Variants in WRNIP1 observed in about 807,000 individuals in gnomAD.
The protein encoded by WRNIP1 is ATPase WRNIP1.
A neutral mutation model predicts 56.1 loss-of-function variants in WRNIP1; 41 were observed. That is an observed-to-expected ratio of 0.73 (90% CI 0.57 to 0.95). The LOEUF is 0.95. WRNIP1 is among the 40% of genes least tolerant of loss of function. The probability of loss-of-function intolerance (pLI) is 0.00; values close to 1 mark genes in which losing one functional copy is unlikely to be tolerated. For synonymous variants in WRNIP1, 547 were observed against 398.1 expected (o/e 1.37, Z -4.45); for missense variants, 1,170 against 939.4 (o/e 1.25, Z -3.21).
Position 2,784,395 on chromosome 6 carries a change from G to C in WRNIP1, c.1714G>C (p.Glu572Gln). ...AGGCTGTCATTTTATAGGCATGCCTGAATGTGAGGTAAAGTAATCAGCTCA... is the reference window on the plus strand; with the variant it reads ...AGGCTGTCATTTTATAGGCATGCCTCAATGTGAGGTAAAGTAATCAGCTCA... ...YQGCHFIGMP[E>Q]CEVLLAQCVV... The change falls in exon 6 of 7, where the codon GAA becomes CAA. Residue 572 changes from glutamate to glutamine, a missense_variant. Coordinates refer to ENST00000380773, the MANE Select transcript of WRNIP1 (RefSeq NM_020135.3). The C allele has an allele frequency of 6.2e-7, 1 of 1,614,030 alleles. No individual in the cohort carries two copies. Among genetic ancestry groups the C allele is most frequent in the Non-Finnish European group, 8.5e-7 (1 of 1,179,906 alleles).
intron 6 of WRNIP1, 80 bp downstream of exon 6, chr6:2,784,483 C>T: frequency 7.1e-7 from 1 of 1,414,484 alleles, no homozygotes; most frequent in South Asian, 1.2e-5. Flanking sequence ...GAATAAATGT[C>T]CCTCCTTCAC....
rs758973100 is a variant in WRNIP1 at position 2,768,672 on chromosome 6, T to C, written c.823-19T>C. 21 of 1,583,238 alleles carry C rather than the reference T, an allele frequency of 1.3e-5. No individual in the cohort carries two copies. The East Asian group carries it at 2.7e-4, about 20-fold the overall frequency. ...TGTCTTACCAGCTTTTCAAACTCCA[T>C]GTATGTCATCTTTTCTAGACCACTC... On this transcript the variant is annotated intron_variant, in intron 1 of 6. Coordinates refer to ENST00000380773, the MANE Select transcript of WRNIP1 (RefSeq NM_020135.3).
At position 2,784,333 on chromosome 6, in the gene WRNIP1, A is replaced by G; in HGVS notation, c.1652A>G (p.Asp551Gly). 6.2e-7 allele frequency: 1 copy of G among 1,613,522 alleles called. No individual in the cohort carries two copies. The highest frequency in any genetic ancestry group is 8.5e-7 in the Non-Finnish European group (1 of 1,179,562). ...RFASEDIGLA[D>G]PSALTQAVAA... is the part of the protein sequence containing the mutation. ...TCTCTGTGTGTGGCAGGTCTGGCAGACCCGTCTGCGTTAACACAAGCGGTT... is the reference window on the plus strand; with the variant it reads ...TCTCTGTGTGTGGCAGGTCTGGCAGGCCCGTCTGCGTTAACACAAGCGGTT... Residue 551 changes from aspartate (D) to glycine (G), a missense_variant, in exon 6 of 7, where the codon GAC becomes GGC. Transcript: ENST00000380773.
chr6:2,784,553 CT>C, intron 6 of WRNIP1, 150 bp downstream of exon 6: 1 of 758,834 alleles, frequency 1.3e-6, no homozygotes, highest in Non-Finnish European at 2.1e-6. Context: ...ATTGTAGACT[CT>C]TAGACTCCTA....
rs1309207329 is a variant in WRNIP1, at chr6:2,785,804, T to G, written c.*522T>G. ...TGCTAGGTACCAGCGTTGTCACCATTGCATTTGGTGGGTGGATACTGGGAA... is the reference window on the plus strand; with the variant it reads ...TGCTAGGTACCAGCGTTGTCACCATGGCATTTGGTGGGTGGATACTGGGAA... On this transcript the variant is annotated 3_prime_UTR_variant, in exon 7 of 7. Coordinates refer to ENST00000380773, the MANE Select transcript of WRNIP1 (RefSeq NM_020135.3). 6.3e-6 allele frequency: 1 copy of G among 158,006 alleles called. No homozygotes were observed. The highest frequency in any genetic ancestry group is 1.4e-5 in the Non-Finnish European group (1 of 71,502). The allele number at this position is 158,006 out of a possible 1,614,324, so 9.8% of individuals were successfully genotyped here. A position where few individuals can be genotyped will look rare whatever the true frequency, so the allele number is the denominator to read the frequency against.
At chr6:2,780,662 G>C (rs1430443638) in intron 4 of WRNIP1, among the ~76,000 whole-genome samples, 1 of 152,048 alleles carries the variant, frequency 6.6e-6, no homozygotes, top group African/African-American at 2.4e-5. Flanking sequence ...AGCCCTGCTT[G>C]ACTTTTGGTC....
Position 2,784,992 on chromosome 6 carries a change from C to T in WRNIP1, c.1723-15C>T, listed in dbSNP as rs764546804. On this transcript the variant is annotated splice_polypyrimidine_tract_variant and intron_variant, in intron 6 of 6. Transcript: ENST00000380773. ...GCATCTTGCTAGTAAAATGTGTCCT[C>T]TGTGTCATTGGTAGGTGCTTCTGGC... 1.1e-5 allele frequency: 17 copies of T among 1,613,294 alleles called. No individual in the cohort carries two copies. Among genetic ancestry groups the T allele is most frequent in the East Asian group, 2.2e-5 (1 of 44,880 alleles).
At chr6:2,775,342 G>A (rs1765408557) in intron 3 of WRNIP1, among the ~76,000 whole-genome samples, 1 of 152,190 alleles carries the variant, frequency 6.6e-6, no homozygotes, top group African/African-American at 2.4e-5. Context: ...TGCCCCTGGA[G>A]ATTTGAGCTC....
At chr6:2,784,886 G>A in intron 6 of WRNIP1, 121 bp from the exon 7 acceptor site, 2 of 1,287,722 alleles carry the variant, frequency 1.6e-6, no homozygotes, top group Non-Finnish European at 1.1e-6. Flanking sequence ...GCGCAAAAGG[G>A]GGATAATAAA....
rs542168508 is a variant in WRNIP1 at position 2,786,042 on chromosome 6, C to G, written c.*760C>G. On this transcript the variant is annotated 3_prime_UTR_variant, in exon 7 of 7. Coordinates refer to ENST00000380773, the MANE Select transcript of WRNIP1 (RefSeq NM_020135.3). ...TTTCTAAACAGTCGTTTTTCTTTTA[C>G]TTTATGTGTGTCCTGAACACAAAAT... The G allele has an allele frequency of 6.7e-6, 1 of 149,262 alleles. No individual in the cohort carries two copies. The highest frequency in any genetic ancestry group is 2.2e-4 in the East Asian group (1 of 4,640). 9.2% of individuals were successfully genotyped at this position (149,262 alleles called of 1,614,324 possible).
rs1330983100 is a variant in WRNIP1, at chr6:2,786,168, C to T, written c.*886C>T. The T allele has an allele frequency of 2.0e-5, 3 of 152,276 alleles. No homozygotes were observed. The highest frequency in any genetic ancestry group is 6.5e-5 in the Admixed American group (1 of 15,280). 9.4% of individuals were successfully genotyped at this position (152,276 alleles called of 1,614,324 possible). On this transcript the variant is annotated 3_prime_UTR_variant, in exon 7 of 7. Coordinates refer to ENST00000380773, the MANE Select transcript of WRNIP1 (RefSeq NM_020135.3). The stretch of plus-strand genomic sequence containing the variant: ...GTGCATATGCCCACAAGGATGGCCC[C>T]TTCAGGTAGTCGGTTCTCCTCCTGC...
At chr6:2,783,653 T>TTTTGGGG in intron 5 of WRNIP1, 92 bp downstream of exon 5, 10 of 120,102 alleles carry the variant, frequency 8.3e-5, no homozygotes, top group African/African-American at 1.8e-4. Context: ...TTTTTTTTTT[T>TTTTGGGG]GCAGGGCGGG....
In WRNIP1 at chr6:2,765,586, G is replaced by A; in HGVS notation, c.-37G>A. The A allele has an allele frequency of 1.4e-6, 2 of 1,457,700 alleles. No homozygotes were observed. Among genetic ancestry groups the A allele is most frequent in the Non-Finnish European group, 1.8e-6 (2 of 1,111,150 alleles). The allele number at this position is 1,457,700 out of a possible 1,614,324, so 90.3% of individuals were successfully genotyped here. A position where few individuals can be genotyped will look rare whatever the true frequency, so the allele number is the denominator to read the frequency against. On this transcript the variant is annotated 5_prime_UTR_variant, in exon 1 of 7. Transcript: ENST00000380773. Reference sequence around the variant, plus strand: ...GGCCTCCGCGTGCGCACGGGTTGCTGCGGCCGCGCCGGGCGCCGGGGAGGG... The same window carrying A: ...GGCCTCCGCGTGCGCACGGGTTGCTACGGCCGCGCCGGGCGCCGGGGAGGG...
At position 2,766,407 on chromosome 6, in the gene WRNIP1, C is replaced by T. The variant is rs757792535; in HGVS notation, c.785C>T (p.Pro262Leu). 1.2e-5 allele frequency: 19 copies of T among 1,600,102 alleles called. No homozygotes were observed. The highest frequency in any genetic ancestry group is 1.7e-5 in the Admixed American group (1 of 59,082). ...TCGCTCCTGGAGACCAACGAAATCC[C>T]CTCGCTTATCCTGTGGGGGCCGCCG... ...LRSLLETNEI[P>L]SLILWGPPGC... Residue 262 changes from proline to leucine, a missense_variant, in exon 1 of 7, where the codon CCC becomes CTC. Pro to Leu is a moderately conservative substitution (Grantham distance 98). Transcript: ENST00000380773.
At chr6:2,776,679 A>C (rs1561913848) in intron 3 of WRNIP1, among the ~76,000 whole-genome samples, 1 of 152,214 alleles carries the variant, frequency 6.6e-6, no homozygotes, top group Non-Finnish European at 1.5e-5. Flanking sequence ...CTTCTGTCCT[A>C]ATTAATAAGG....
Position 2,766,034 on chromosome 6 carries a change from G to T in WRNIP1, c.412G>T (p.Gly138Trp). Residue 138 changes from glycine (G) to tryptophan (W), a missense_variant, in exon 1 of 7, where the codon GGG (glycine) becomes TGG (tryptophan). Coordinates refer to ENST00000380773, the MANE Select transcript of WRNIP1 (RefSeq NM_020135.3). The part of the protein sequence containing the change: ...VARSSSPGRK[G>W]SGKRPAAAAA... ...CCGCTCCAGCAGCCCCGGGAGGAAG[G>T]GGTCGGGGAAGAGGCCGGCGGCCGC... 7.7e-7 allele frequency: 1 copy of T among 1,305,854 alleles called. No homozygotes were observed. Among genetic ancestry groups the T allele is most frequent in the African/African-American group, 1.5e-5 (1 of 64,790 alleles). The allele number at this position is 1,305,854 out of a possible 1,614,324, so 80.9% of individuals were successfully genotyped here. A position where few individuals can be genotyped will look rare whatever the true frequency, so the allele number is the denominator to read the frequency against.
chr6:2,777,343 G>A (rs1043080153), intron 3 of WRNIP1, among the ~76,000 whole-genome samples: 4 of 146,062 alleles, frequency 2.7e-5, no homozygotes, highest in African/African-American at 9.8e-5. Context: ...GATGATGAAT[G>A]TAATGTAATC....
chr6:2,768,585 A>G lies in WRNIP1; in HGVS notation c.823-106A>G, dbSNP rs184671342. On this transcript the variant is annotated intron_variant, in intron 1 of 6. Coordinates refer to ENST00000380773, the MANE Select transcript of WRNIP1 (RefSeq NM_020135.3). Reference sequence around the variant, plus strand: ...TGCTGCTCAGCATTCTTCCGAGGTCAAGTTGCTTTTGGTAAATAGTGATGC... The same window carrying G: ...TGCTGCTCAGCATTCTTCCGAGGTCGAGTTGCTTTTGGTAAATAGTGATGC... The G allele has an allele frequency of 1.9e-5, 17 of 902,864 alleles. No homozygotes were observed. The East Asian group carries it at 3.3e-4, about 18-fold the overall frequency. The allele number at this position is 902,864 out of a possible 1,614,324, so 55.9% of individuals were successfully genotyped here.
At chr6:2,779,679 G>C (rs559935806) in intron 4 of WRNIP1, among the ~76,000 whole-genome samples, 187 bp downstream of exon 4, 18 of 152,230 alleles carry the variant, frequency 1.2e-4, no homozygotes, top group Admixed American at 1.2e-3. Context: ...TCCGAAGAGA[G>C]GCATGAAGCA....
Sources: allele counts gnomAD v4.1 joint callset (sites outside exome capture counted in the v4.1 genomes callset), GRCh38; gene constraint gnomAD v4.1.1; transcripts MANE v1.5; gene names NCBI Gene and HGNC (gene_info 2026-07-23, HGNC 2026-07-21).